Variants in HOXD3 observed in about 807,000 individuals in gnomAD.
HOXD3 encodes the protein homeobox protein Hox-D3.
HOXD3 carries 13 observed loss-of-function variants against 32.8 expected under a neutral mutation model. That is an observed-to-expected ratio of 0.40 (90% CI 0.26 to 0.63). The LOEUF (loss-of-function observed/expected upper bound fraction) is 0.63, where lower values mean the gene tolerates loss of function less well. Ranked by LOEUF, HOXD3 falls within the 20% of genes least tolerant of loss-of-function variation. The pLI is 0.44. For missense variants in HOXD3, 504 were observed against 577.1 expected (o/e 0.87, Z 1.30); for synonymous variants, 241 against 246.8 (o/e 0.98, Z 0.22).
At chr2:176,168,382 CA>C (rs1405746866) in intron 2 of HOXD3, among the ~76,000 whole-genome samples, 1 of 151,850 alleles carries the variant, frequency 6.6e-6, no homozygotes, top group Non-Finnish European at 1.5e-5. Flanking sequence ...ACCTGACCAA[CA>C]TGGTGAAACC....
Position 176,172,450 on chromosome 2 carries a change from T to G in HOXD3, c.*176T>G. The G allele has an allele frequency of 1.7e-6, 1 of 597,230 alleles. No individual in the cohort carries two copies. Among genetic ancestry groups the G allele is most frequent in the Non-Finnish European group, 2.9e-6 (1 of 344,244 alleles). 37.0% of individuals were successfully genotyped at this position (597,230 alleles called of 1,614,324 possible). A position where few individuals can be genotyped will look rare whatever the true frequency, so the allele number is the denominator to read the frequency against. On this transcript the variant is annotated 3_prime_UTR_variant, in exon 4 of 4. Coordinates refer to ENST00000683222, the MANE Select transcript of HOXD3 (RefSeq NM_006898.5). ...CGCAGGCGACCGGGCCTCCCCTCCA[T>G]GGGCGTCCTTTGGGTGACTCGCCAT... is the stretch of plus-strand genomic sequence containing the variant.
intron 2 of HOXD3, among the ~76,000 whole-genome samples, chr2:176,167,686 CT>C (rs56761217): frequency 2.0e-3 from 214 of 108,856 alleles, no homozygotes; most frequent in East Asian, 8.4e-3. Context: ...GGGGGAGACC[CT>C]TTTTTTTTTT....
At chr2:176,165,725 A>G (rs1333303545) in intron 2 of HOXD3, 1 of 152,162 alleles carries the variant, frequency 6.6e-6, no homozygotes, top group Non-Finnish European at 1.5e-5. Flanking sequence ...GCCGTGCTCG[A>G]CCACCCCTCC....
rs551119567 is a variant in HOXD3 at position 176,171,860 on chromosome 2, C to A, written c.885C>A (p.Asp295Glu). The A allele has an allele frequency of 1.2e-6, 2 of 1,601,052 alleles. No homozygotes were observed. The highest frequency in any genetic ancestry group is 8.5e-7 in the Non-Finnish European group (1 of 1,174,120). ...QLPPVPGLAY[D>E]APSPPAFAKS... is the part of the protein sequence containing the mutation. ...CGCCAGTGCCCGGCCTGGCCTACGACGCGCCCTCGCCGCCTGCTTTCGCCA... is the reference window on the plus strand; with the variant it reads ...CGCCAGTGCCCGGCCTGGCCTACGAAGCGCCCTCGCCGCCTGCTTTCGCCA... The change falls in exon 4 of 4, where the codon GAC (aspartate) becomes GAA (glutamate). Residue 295 changes from aspartate (D) to glutamate (E), a missense_variant. Asp to Glu is a conservative substitution (Grantham distance 45). Transcript: ENST00000683222.
upstream of HOXD3, among the ~76,000 whole-genome samples, chr2:176,154,517 G>C (rs146407466): frequency 3.1e-3 from 471 of 152,346 alleles, 1 homozygote; most frequent in Non-Finnish European, 5.2e-3. Context: ...TTAAGATCCA[G>C]AAGGGGGGTA....
At chr2:176,171,046 C>T (rs1691155133) in intron 3 of HOXD3, among the ~76,000 whole-genome samples, 1 of 152,132 alleles carries the variant, frequency 6.6e-6, no homozygotes, top group African/African-American at 2.4e-5. Context: ...GGGCTTTGCC[C>T]AGAGGCCAGC....
intron 2 of HOXD3, chr2:176,164,857 C>T (rs1014995093): frequency 5.9e-5 from 9 of 152,308 alleles, no homozygotes; most frequent in African/African-American, 2.2e-4. Context: ...CCCAAGCCCC[C>T]TCAGCTTTTC....
At chr2:176,153,498 G>T (rs373843453), upstream of HOXD3, among the ~76,000 whole-genome samples, 1 of 152,154 alleles carries the variant, frequency 6.6e-6, no homozygotes, top group South Asian at 2.1e-4. Flanking sequence ...CCAAAGAAAT[G>T]GGTCTAAGAA....
At chr2:176,165,807 C>T (rs752762123) in intron 2 of HOXD3, 1 of 151,598 alleles carries the variant, frequency 6.6e-6, no homozygotes, top group African/African-American at 2.4e-5. Context: ...TACCAAAGGG[C>T]GAGAAAAGAA....
chr2:176,153,058 G>C (rs915303905), upstream of HOXD3: 4 of 852,560 alleles, frequency 4.7e-6, no homozygotes, highest in Non-Finnish European at 7.1e-6. Flanking sequence ...GTGGACCTGG[G>C]ACAAGCAGGC....
intron 1 of HOXD3, chr2:176,160,849 C>T (rs1352422462): frequency 6.6e-6 from 1 of 152,250 alleles, no homozygotes; most frequent in Non-Finnish European, 1.5e-5. Context: ...CAGGCGAAGC[C>T]AGCTCGGGGA....
At chr2:176,164,910 A>G (rs1690914837) in intron 2 of HOXD3, 1 of 152,198 alleles carries the variant, frequency 6.6e-6, no homozygotes, top group African/African-American at 2.4e-5. Flanking sequence ...CGGCCTCCGC[A>G]AGTCGGACTA....
Position 176,169,243 on chromosome 2 carries a change from C to T in HOXD3, c.129C>T (p.Tyr43=), listed in dbSNP as rs778261284. ...GYSKTTDTYG[Y]STPHQPYPPP... is the part of the protein sequence containing the mutation. The stretch of plus-strand genomic sequence containing the variant: ...GCAAAACTACGGACACTTACGGCTA[C>T]AGCACCCCCCACCAGCCCTACCCAC... Residue 43 remains tyrosine, a synonymous_variant, in exon 3 of 4, where the codon TAC becomes TAT. Transcript: ENST00000683222. 8.7e-6 allele frequency: 14 copies of T among 1,612,756 alleles called. No individual in the cohort carries two copies. Among genetic ancestry groups the T allele is most frequent in the Admixed American group, 1.7e-5 (1 of 60,004 alleles).
At position 176,172,446 on chromosome 2, in the gene HOXD3, T is replaced by G. The variant is rs1691229476; in HGVS notation, c.*172T>G. The G allele has an allele frequency of 5.0e-6, 3 of 601,002 alleles. No individual in the cohort carries two copies. Among genetic ancestry groups the G allele is most frequent in the Admixed American group, 3.2e-5 (1 of 30,992 alleles). 37.2% of individuals were successfully genotyped at this position (601,002 alleles called of 1,614,324 possible). On this transcript the variant is annotated 3_prime_UTR_variant, in exon 4 of 4. Transcript: ENST00000683222. ...GAGGCGCAGGCGACCGGGCCTCCCC[T>G]CCATGGGCGTCCTTTGGGTGACTCG...
At position 176,169,280 on chromosome 2, in the gene HOXD3, G is replaced by A. The variant is rs1691095996; in HGVS notation, c.166G>A (p.Ala56Thr). 1.2e-6 allele frequency: 2 copies of A among 1,613,840 alleles called. No individual in the cohort carries two copies. Among genetic ancestry groups the A allele is most frequent in the Admixed American group, 3.3e-5 (2 of 59,984 alleles). The change falls in exon 3 of 4, where the codon GCC (alanine) becomes ACC (threonine). Residue 56 changes from alanine (A) to threonine (T), a missense_variant. Physicochemically the swap from Ala to Thr is moderately conservative, Grantham distance 58. Transcript: ENST00000683222. ...CCAGCCCTACCCACCCCCTGCTGCT[G>A]CCAGCTCCCTGGACACTGACTATCC... ...PHQPYPPPAA[A>T]SSLDTDYPGS...
At chr2:176,160,168 T>TCCGCGGCGGGGAGGCCG (rs1389088740) in intron 1 of HOXD3, among the ~76,000 whole-genome samples, 5 of 152,104 alleles carry the variant, frequency 3.3e-5, no homozygotes, top group Non-Finnish European at 5.9e-5. Context: ...GGCGTCGGCC[T>TCCGCGGCGGGGAGGCCG]CCGCGGCGGG....
upstream of HOXD3, chr2:176,153,126 G>A: frequency 1.9e-6 from 1 of 534,396 alleles, no homozygotes; most frequent in South Asian, 2.0e-5. Flanking sequence ...AGAGCGGGAT[G>A]GGGATGGGAG....
At chr2:176,152,940 T>C (rs778442569), upstream of HOXD3, 4 of 1,614,014 alleles carry the variant, frequency 2.5e-6, no homozygotes, top group South Asian at 1.1e-5. This position sits in a 1 kb window ranked among gnomAD's most constrained non-coding sequence, Gnocchi z 5.2. Context: ...GACGACCTTA[T>C]AGAAGTGGGG....
rs1691232240 is a variant in HOXD3 at position 176,172,527 on chromosome 2, G to A, written c.*253G>A. ...TAAATTTGACAGTGCCACATACTGC[G>A]GACCAAGGGACTCCAATCTGGTAAT... On this transcript the variant is annotated 3_prime_UTR_variant, in exon 4 of 4. Coordinates refer to ENST00000683222, the MANE Select transcript of HOXD3 (RefSeq NM_006898.5). 1 of 514,716 alleles carries A rather than the reference G, an allele frequency of 1.9e-6. No homozygotes were observed. Among genetic ancestry groups the A allele is most frequent in the Non-Finnish European group, 3.4e-6 (1 of 292,836 alleles). 31.9% of individuals were successfully genotyped at this position (514,716 alleles called of 1,614,324 possible).
Sources: allele counts gnomAD v4.1 joint callset (sites outside exome capture counted in the v4.1 genomes callset), GRCh38; gene constraint gnomAD v4.1.1; non-coding constraint Gnocchi (gnomAD v3.1); transcripts MANE v1.5; gene names NCBI Gene and HGNC (gene_info 2026-07-23, HGNC 2026-07-21).